GABRG1: variants seen among roughly 807,000 people sequenced by gnomAD.
The protein encoded by GABRG1 is gamma-aminobutyric acid receptor subunit gamma-1.
Under a neutral mutation model 49.8 loss-of-function variants are expected in GABRG1, and 49 were observed. That is an observed-to-expected ratio of 0.98 (90% CI 0.78 to 1.25). The LOEUF (loss-of-function observed/expected upper bound fraction) is 1.25. Among genes scored for constraint, GABRG1 ranks in the 50% most tolerant of loss-of-function variants. The pLI, the probability that GABRG1 is intolerant of heterozygous loss-of-function variation, is 0.00. For missense variants in GABRG1, 552 were observed against 552.3 expected (o/e 1.00, Z 0.01); for synonymous variants, 232 against 185.1 (o/e 1.25, Z -2.06).
intron 2 of GABRG1, among the ~76,000 whole-genome samples, chr4:46,088,654 A>G (rs959330425): frequency 6.6e-6 from 1 of 151,932 alleles, no homozygotes; most frequent in African/African-American, 2.4e-5. Context: ...GAGCATTCGC[A>G]TATAGAATGC....
chr4:46,062,337 C>T (rs894377295), intron 5 of GABRG1, among the ~76,000 whole-genome samples: 13 of 151,864 alleles, frequency 8.6e-5, no homozygotes, highest in African/African-American at 2.7e-4. Context: ...AATAAACATA[C>T]GTGTGCATGT....
chr4:46,087,678 T>C (rs1410700091), intron 2 of GABRG1, among the ~76,000 whole-genome samples: 1 of 151,852 alleles, frequency 6.6e-6, no homozygotes, highest in East Asian at 1.9e-4. Context: ...AAACTCCAGG[T>C]CCATACCACA....
intron 3 of GABRG1, among the ~76,000 whole-genome samples, chr4:46,081,748 A>G (rs757308039): frequency 6.6e-6 from 1 of 151,908 alleles, no homozygotes; most frequent in Admixed American, 6.6e-5. Flanking sequence ...GAATGTGACT[A>G]TATTTAAAGG....
In GABRG1 at chr4:46,049,345, C is replaced by G. The variant is rs747297618; in HGVS notation, c.1131+2079G>C. ...AAGACCATATGGCTGTACACTGAAC[C>G]ATGCAAGGAGTCAGATTTGATTACT... On this transcript the variant is annotated intron_variant, in intron 8 of 8. Transcript: ENST00000295452. 2.0e-5 allele frequency among the ~76,000 whole-genome samples: 3 copies of G among 151,802 alleles called. No individual in the cohort carries two copies. In the East Asian group the frequency reaches 5.8e-4, roughly 29 times the overall value.
At chr4:46,078,763 C>G (rs143740180) in intron 3 of GABRG1, among the ~76,000 whole-genome samples, 193 of 151,876 alleles carry the variant, frequency 1.3e-3, no homozygotes, top group Admixed American at 2.0e-3. Flanking sequence ...AGCTATTTGA[C>G]CATAGATTTT....
intron 8 of GABRG1, among the ~76,000 whole-genome samples, chr4:46,049,503 T>C (rs548446058): frequency 2.4e-4 from 37 of 151,940 alleles, no homozygotes; most frequent in Non-Finnish European, 5.3e-4. Flanking sequence ...ACTCAAGTAG[T>C]CAATTATAAT....
intron 3 of GABRG1, among the ~76,000 whole-genome samples, chr4:46,066,111 AT>A (rs1718911991): frequency 6.6e-6 from 1 of 152,158 alleles, no homozygotes; most frequent in African/African-American, 2.4e-5. Flanking sequence ...ATTATTTTTT[AT>A]TTTTTGTGTG....
chr4:46,040,275 T>C lies in GABRG1; in HGVS notation c.*713A>G, dbSNP rs1006244085. ...AATGGTTAGATTTTACCTGATTTTT[T>C]CATCTTGCATTCTTAAAAAATGACT... On this transcript the variant is annotated 3_prime_UTR_variant, in exon 9 of 9. Transcript: ENST00000295452. 6.6e-6 allele frequency: 1 copy of C among 152,064 alleles called. No homozygotes were observed. Among genetic ancestry groups the C allele is most frequent in the Non-Finnish European group, 1.5e-5 (1 of 67,906 alleles). 9.4% of individuals were successfully genotyped at this position (152,064 alleles called of 1,614,324 possible).
chr4:46,076,362 CATATAT>C (rs1203391424), intron 3 of GABRG1, among the ~76,000 whole-genome samples: 153 of 78,700 alleles, frequency 1.9e-3, no homozygotes, highest in East Asian at 0.011. Context: ...AGGTCATGTT[CATATAT>C]ATATATATAT....
intron 1 of GABRG1, among the ~76,000 whole-genome samples, chr4:46,107,339 C>T (rs6821048): frequency 0.12 from 17,693 of 151,048 alleles, 1,692 homozygotes; most frequent in African/African-American, 0.26. Context: ...TAAGGTAATA[C>T]CTTATAATAA....
intron 8 of GABRG1, 117 bp downstream of exon 8, chr4:46,051,307 G>T (rs1444330889): frequency 4.1e-6 from 3 of 724,960 alleles, no homozygotes; most frequent in Non-Finnish European, 6.6e-6. Flanking sequence ...TCTTAACTTT[G>T]TCTTTGGTTA....
chr4:46,059,664 C>T (rs993994527), intron 5 of GABRG1, among the ~76,000 whole-genome samples: 3 of 152,150 alleles, frequency 2.0e-5, no homozygotes, highest in Non-Finnish European at 2.9e-5. Context: ...CTGCTCCCCT[C>T]GGCCTCCCAA....
Position 46,065,374 on chromosome 4 carries a change from A to G in GABRG1, c.532T>C (p.Tyr178His), listed in dbSNP as rs759116274. The G allele has an allele frequency of 6.3e-7, 1 of 1,591,466 alleles. No homozygotes were observed. The highest frequency in any genetic ancestry group is 8.6e-7 in the Non-Finnish European group (1 of 1,159,676). Reference protein sequence around the residue: ...LRIWNDGRVLYTLRLTINAEC... With the variant: ...LRIWNDGRVLHTLRLTINAEC... The stretch of plus-strand genomic sequence containing the variant: ...TTAAACCAATATTACCTTAGAGTAT[A>G]CAGAACTCGTCCATCATTCCAAATT... Residue 178 changes from tyrosine (Y) to histidine (H), a missense_variant, in exon 4 of 9, where the codon TAT becomes CAT. By Grantham distance (83) the Tyr-to-His change is moderately conservative (BLOSUM62 2). Coordinates refer to ENST00000295452, the MANE Select transcript of GABRG1 (RefSeq NM_173536.4).
intron 8 of GABRG1, among the ~76,000 whole-genome samples, chr4:46,049,619 C>T (rs1718136270): frequency 6.6e-6 from 1 of 151,808 alleles, no homozygotes; most frequent in Non-Finnish European, 1.5e-5. Flanking sequence ...AGGCTTGATG[C>T]TAAATTTGAA....
At chr4:46,043,662 A>T (rs935696938) in intron 8 of GABRG1, among the ~76,000 whole-genome samples, 7 of 152,044 alleles carry the variant, frequency 4.6e-5, no homozygotes, top group African/African-American at 1.7e-4. Context: ...CAAACATTAA[A>T]AAACAAATCA....
chr4:46,121,174 T>C (rs995678506), intron 1 of GABRG1, among the ~76,000 whole-genome samples: 1 of 152,028 alleles, frequency 6.6e-6, no homozygotes, highest in Admixed American at 6.6e-5. Flanking sequence ...AAAAAAATGC[T>C]TCCAATTTGG....
At chr4:46,068,995 T>A (rs2109411720) in intron 3 of GABRG1, among the ~76,000 whole-genome samples, 1 of 152,250 alleles carries the variant, frequency 6.6e-6, no homozygotes, top group African/African-American at 2.4e-5. Context: ...CATTAGTGAA[T>A]AAATGTGAAG....
chr4:46,108,103 G>T (rs1720611211), intron 1 of GABRG1, among the ~76,000 whole-genome samples: 1 of 150,996 alleles, frequency 6.6e-6, no homozygotes, highest in Non-Finnish European at 1.5e-5. Context: ...GGAAATACTT[G>T]GGAAATATTC....
At chr4:46,118,877 A>T (rs960848661) in intron 1 of GABRG1, among the ~76,000 whole-genome samples, 4 of 151,322 alleles carry the variant, frequency 2.6e-5, no homozygotes, top group African/African-American at 9.7e-5. Context: ...CTGCTTAAAC[A>T]TGTCTAGTGA....
Sources: gnomAD v4.1 joint callset for allele counts (sites outside exome capture counted in the v4.1 genomes callset) on GRCh38, gnomAD v4.1.1 for gene constraint, MANE v1.5 for transcripts, NCBI Gene and HGNC (gene_info 2026-07-23, HGNC 2026-07-21) for gene names.